Variants in CCDC178 observed in about 807,000 individuals in gnomAD.
The protein encoded by CCDC178 is coiled-coil domain-containing protein 178.
Under a neutral mutation model 117.4 loss-of-function variants are expected in CCDC178, and 126 were observed. That is an observed-to-expected ratio of 1.07 (90% CI 0.93 to 1.24). The LOEUF (loss-of-function observed/expected upper bound fraction) is 1.24, where lower values mean the gene tolerates loss of function less well. Among genes scored for constraint, CCDC178 ranks in the 50% most tolerant of loss-of-function variants. The probability of loss-of-function intolerance (pLI) is 0.00; values close to 1 mark genes in which losing one functional copy is unlikely to be tolerated. For synonymous variants in CCDC178, 283 were observed against 313.4 expected, an observed-to-expected ratio of 0.90 and a Z score of 1.02; for missense variants, 1,030 against 986.9, an observed-to-expected ratio of 1.04 and a Z score of -0.59.
intron 21 of CCDC178, among the ~76,000 whole-genome samples, chr18:33,081,013 G>A (rs2145032933): frequency 6.6e-6 from 1 of 152,218 alleles, no homozygotes; most frequent in African/African-American, 2.4e-5. Context: ...TAGGAAGTAG[G>A]GAAACTTGTC....
chr18:33,426,952 A>G (rs911673701), intron 2 of CCDC178, among the ~76,000 whole-genome samples: 7 of 152,164 alleles, frequency 4.6e-5, no homozygotes, highest in African/African-American at 1.7e-4. Context: ...ATTAACATTT[A>G]CATGTATTTT....
intron 9 of CCDC178, among the ~76,000 whole-genome samples, chr18:33,344,310 C>CAAAAAAAAAAAAAA (rs58987470): frequency 2.5e-5 from 2 of 80,806 alleles, no homozygotes; most frequent in Non-Finnish European, 2.4e-5. Flanking sequence ...GACTCCGTCT[C>CAAAAAAAAAAAAAA]AAAAAAAAAA....
At position 33,124,952 on chromosome 18, in the gene CCDC178, C is replaced by T. The variant is rs143134015; in HGVS notation, c.2239-32042G>A. 5.7e-4 allele frequency among the ~76,000 whole-genome samples: 86 copies of T among 152,168 alleles called. 2 individuals are homozygous for T. The East Asian group carries it at 0.01, about 18-fold the overall frequency. Reference sequence around the variant, plus strand: ...GAAAGTAGATTTCTGAGACATGGTCCCTGTGGTCCCCTTAGTTTATGCCTC... The same window carrying T: ...GAAAGTAGATTTCTGAGACATGGTCTCTGTGGTCCCCTTAGTTTATGCCTC... On this transcript the variant is annotated intron_variant, in intron 20 of 22. Coordinates refer to ENST00000383096, the MANE Select transcript of CCDC178 (RefSeq NM_001105528.4).
intron 11 of CCDC178, among the ~76,000 whole-genome samples, chr18:33,306,540 A>ATT (rs1267415416): frequency 6.8e-6 from 1 of 146,662 alleles, no homozygotes; most frequent in East Asian, 2.0e-4. Flanking sequence ...GGTTATATAT[A>ATT]ATATATGGTT....
intron 7 of CCDC178, among the ~76,000 whole-genome samples, chr18:33,351,628 G>A (rs1365008320): frequency 1.3e-5 from 2 of 152,146 alleles, no homozygotes; most frequent in African/African-American, 4.8e-5. Flanking sequence ...CTGTAAACTT[G>A]ACCTCCTGGG....
At chr18:33,379,927 G>A (rs1017252768) in intron 5 of CCDC178, among the ~76,000 whole-genome samples, 3 of 152,280 alleles carry the variant, frequency 2.0e-5, no homozygotes, top group East Asian at 3.9e-4. Flanking sequence ...AGGTGAGGGT[G>A]TATTTTGAAT....
Position 33,348,912 on chromosome 18 carries a change from C to T in CCDC178, c.435G>A (p.Glu145=). Residue 145 remains glutamate, a synonymous_variant, in exon 8 of 23, where the codon GAG becomes GAA. Transcript: ENST00000383096. ...TACCTCTCTTTTCTCCTGGTTTGAC[C>T]TCTTTCACTGGTGTAGTTACACTCC... The part of the protein sequence containing the change: ...EDWSVTTPVK[E]VKPGEKRDEK... The T allele has an allele frequency of 6.2e-7, 1 of 1,610,094 alleles. No individual in the cohort carries two copies.
intron 19 of CCDC178, 80 bp from the exon 20 acceptor site, chr18:33,212,135 G>A: frequency 8.8e-7 from 1 of 1,131,706 alleles, no homozygotes; most frequent in Non-Finnish European, 1.2e-6. Flanking sequence ...ATTTTAAAAG[G>A]ACCAAAATGA....
intron 20 of CCDC178, among the ~76,000 whole-genome samples, chr18:33,205,277 A>G (rs1235818366): frequency 6.6e-6 from 1 of 152,036 alleles, no homozygotes; most frequent in African/African-American, 2.4e-5. Context: ...AAGCAAAATC[A>G]CTCTAAATAT....
chr18:33,266,777 T>G (rs2059821241), intron 14 of CCDC178, 139 bp downstream of exon 14: 2 of 895,720 alleles, frequency 2.2e-6, no homozygotes, highest in African/African-American at 1.7e-5. Context: ...AAAGGCAACA[T>G]TTTGAATAGA....
intron 2 of CCDC178, among the ~76,000 whole-genome samples, chr18:33,424,469 C>A (rs769067778): frequency 6.6e-6 from 1 of 152,162 alleles, no homozygotes; most frequent in Non-Finnish European, 1.5e-5. Context: ...TACAGGCGCA[C>A]ACCTCCACTT....
intron 11 of CCDC178, among the ~76,000 whole-genome samples, chr18:33,312,686 C>T (rs2144958860): frequency 6.6e-6 from 1 of 152,256 alleles, no homozygotes; most frequent in Admixed American, 6.5e-5. Context: ...GAAAGTTAAC[C>T]TTTGTGCACC....
chr18:33,222,894 A>T (rs2059254412), intron 18 of CCDC178, among the ~76,000 whole-genome samples: 1 of 152,116 alleles, frequency 6.6e-6, no homozygotes, highest in Non-Finnish European at 1.5e-5. Flanking sequence ...TGTCCCTGAT[A>T]AACTAGACCA....
intron 22 of CCDC178, 168 bp from the exon 23 acceptor site, chr18:32,938,259 G>A (rs2054164051): frequency 3.6e-6 from 2 of 557,888 alleles, no homozygotes; most frequent in Admixed American, 3.1e-5. Flanking sequence ...CCAAGGAAGA[G>A]TGATTTCTCT....
At chr18:33,205,629 GATTA>G (rs987568207) in intron 20 of CCDC178, among the ~76,000 whole-genome samples, 3 of 152,174 alleles carry the variant, frequency 2.0e-5, no homozygotes, top group African/African-American at 7.2e-5. Flanking sequence ...TTAGTTAACA[GATTA>G]ATTATTTCAT....
intron 20 of CCDC178, among the ~76,000 whole-genome samples, chr18:33,206,018 T>C (rs2059041347): frequency 6.6e-6 from 1 of 152,182 alleles, no homozygotes. Context: ...TTAAAGAGAC[T>C]GTTTAACATA....
At chr18:33,156,543 T>C (rs967186109) in intron 20 of CCDC178, among the ~76,000 whole-genome samples, 2 of 150,280 alleles carry the variant, frequency 1.3e-5, no homozygotes, top group Admixed American at 6.7e-5. Flanking sequence ...ATGACACTTC[T>C]GGGCTGTTCC....
intron 5 of CCDC178, among the ~76,000 whole-genome samples, chr18:33,371,192 C>T (rs999346093): frequency 6.6e-6 from 1 of 151,884 alleles, no homozygotes; most frequent in African/African-American, 2.4e-5. Context: ...TCTAGAAACA[C>T]AATCTCTTGT....
intron 21 of CCDC178, among the ~76,000 whole-genome samples, chr18:33,033,072 A>G (rs2056377084): frequency 6.6e-6 from 1 of 152,084 alleles, no homozygotes; most frequent in Non-Finnish European, 1.5e-5. Context: ...TGCATTCTAA[A>G]GAAGTCCCAT....
Sources: gnomAD v4.1 joint callset for allele counts (sites outside exome capture counted in the v4.1 genomes callset) on GRCh38, gnomAD v4.1.1 for gene constraint, MANE v1.5 for transcripts, NCBI Gene and HGNC (gene_info 2026-07-23, HGNC 2026-07-21) for gene names.